Variants in BCAS3 observed in about 807,000 individuals in gnomAD.
BCAS3 encodes BCAS4/BCAS3 fusion.
BCAS3 carries 53 observed loss-of-function variants against 116.1 expected under a neutral mutation model. The ratio of observed to expected loss-of-function variants is 0.46; its 90% CI spans 0.37 to 0.57. The LOEUF (loss-of-function observed/expected upper bound fraction) is 0.57, where lower values mean the gene tolerates loss of function less well. Among genes scored for constraint, BCAS3 ranks in the 20% least tolerant of loss-of-function variants. The pLI is 0.00. For synonymous variants in BCAS3, 391 were observed against 408.2 expected (o/e 0.96, Z 0.51); for missense variants, 917 against 1,165.4 (o/e 0.79, Z 3.10).
chr17:60,721,570 T>G (rs1253771746), intron 5 of BCAS3, among the ~76,000 whole-genome samples: 1 of 152,228 alleles, frequency 6.6e-6, no homozygotes, highest in Non-Finnish European at 1.5e-5. Flanking sequence ...ACTGTGAGTT[T>G]GAAATTTATC....
rs575492645 is a variant in BCAS3, at chr17:61,229,896, G to A, written c.2426-138431G>A. 4.6e-5 allele frequency among the ~76,000 whole-genome samples: 7 copies of A among 152,308 alleles called. No individual in the cohort carries two copies. The highest frequency in any genetic ancestry group is 4.1e-4 in the South Asian group (2 of 4,832). Reference sequence around the variant, plus strand: ...TCCCAGCACTTTGGGAGGCCAAGGCGGGCGGTTCACCTGAGGTCAGGAGTT... The same window carrying A: ...TCCCAGCACTTTGGGAGGCCAAGGCAGGCGGTTCACCTGAGGTCAGGAGTT... On this transcript the variant is annotated intron_variant, in intron 22 of 23. Coordinates refer to ENST00000407086, the MANE Select transcript of BCAS3 (RefSeq NM_017679.5). This position sits in a 1 kb window ranked among gnomAD's most constrained non-coding sequence, Gnocchi z 4.4.
intron 13 of BCAS3, among the ~76,000 whole-genome samples, chr17:60,930,910 A>C: frequency 6.6e-6 from 1 of 152,216 alleles, no homozygotes; most frequent in East Asian, 1.9e-4. Context: ...TAACACTGCA[A>C]AACGAATTTA....
intron 5 of BCAS3, among the ~76,000 whole-genome samples, chr17:60,730,167 G>A (rs1013914184): frequency 3.9e-5 from 6 of 152,194 alleles, no homozygotes; most frequent in African/African-American, 1.4e-4. Flanking sequence ...AACGGCTTTT[G>A]TTTGATCTTC....
chr17:61,275,438 G>C (rs1433255594), intron 22 of BCAS3, among the ~76,000 whole-genome samples: 1 of 152,148 alleles, frequency 6.6e-6, no homozygotes, highest in African/African-American at 2.4e-5. Flanking sequence ...GGGCCTGAAT[G>C]TTGTGCAGGG....
intron 4 of BCAS3, 35 bp downstream of exon 4, chr17:60,689,796 A>C (rs1230493375): frequency 1.4e-6 from 2 of 1,452,136 alleles, no homozygotes; most frequent in Non-Finnish European, 1.9e-6. Context: ...CGTGTGAATT[A>C]ATTGTTTGTT....
rs1011501970 is a variant in BCAS3 at position 61,279,791 on chromosome 17, A to AG, written c.2426-88536_2426-88535insG. ...GCTTGAGTGAAGAAAAAAAAAAAAA[A>AG]CTAGGCAGGTAACCACAAGCCAAGT... is the stretch of plus-strand genomic sequence containing the variant. On this transcript the variant is annotated intron_variant, in intron 22 of 23. Transcript: ENST00000407086. This position sits in a 1 kb window ranked among gnomAD's most constrained non-coding sequence, Gnocchi z 4.4. Among the ~76,000 whole-genome samples the AG allele has an allele frequency of 1.3e-5, 2 of 151,696 alleles. No homozygotes were observed. The highest frequency in any genetic ancestry group is 4.8e-5 in the African/African-American group (2 of 41,284).
chr17:60,704,667 C>G (rs914959455), intron 4 of BCAS3, among the ~76,000 whole-genome samples: 4 of 151,504 alleles, frequency 2.6e-5, no homozygotes, highest in Non-Finnish European at 5.9e-5. Flanking sequence ...ATGGTGATAC[C>G]CCATCTCTAC....
In BCAS3 at chr17:61,392,286, C is replaced by G. The variant is rs2060174262; in HGVS notation, c.*161C>G. 8 of 860,686 alleles carry G rather than the reference C, an allele frequency of 9.3e-6. No individual in the cohort carries two copies. Among genetic ancestry groups the G allele is most frequent in the Non-Finnish European group, 1.4e-5 (8 of 573,220 alleles). The allele number at this position is 860,686 out of a possible 1,614,324, so 53.3% of individuals were successfully genotyped here. A position where few individuals can be genotyped will look rare whatever the true frequency, so the allele number is the denominator to read the frequency against. ...CCATCCTACCTGGATGGAGAAGAGA[C>G]CCTTCTCCAAGCACCTCAGCGCACT... On this transcript the variant is annotated 3_prime_UTR_variant, in exon 24 of 24. Transcript: ENST00000407086. The surrounding 1 kb of genome is among the most constrained non-coding windows in gnomAD (Gnocchi z 6.4).
rs1261898460 is a variant in BCAS3 at position 61,315,476 on chromosome 17, T to C, written c.2426-52851T>C. Reference sequence around the variant, plus strand: ...TGCAGAGCAGTCTCGGAGCGGACGCTAGCTGGCAGCGGTGCCATTGCTTTC... The same window carrying C: ...TGCAGAGCAGTCTCGGAGCGGACGCCAGCTGGCAGCGGTGCCATTGCTTTC... On this transcript the variant is annotated intron_variant, in intron 22 of 23. Coordinates refer to ENST00000407086, the MANE Select transcript of BCAS3 (RefSeq NM_017679.5). This position sits in a 1 kb window ranked among gnomAD's most constrained non-coding sequence, Gnocchi z 5.3. Among the ~76,000 whole-genome samples the C allele has an allele frequency of 6.6e-6, 1 of 152,202 alleles. No individual in the cohort carries two copies. Among genetic ancestry groups the C allele is most frequent in the Non-Finnish European group, 1.5e-5 (1 of 68,028 alleles).
chr17:61,123,096 C>T (rs1245988679), intron 22 of BCAS3, among the ~76,000 whole-genome samples: 4 of 152,182 alleles, frequency 2.6e-5, no homozygotes, highest in Admixed American at 6.5e-5. Flanking sequence ...CGCCCACCAC[C>T]ATGTCCAACT....
At chr17:60,770,179 C>T (rs980586993) in intron 6 of BCAS3, among the ~76,000 whole-genome samples, 3 of 152,016 alleles carry the variant, frequency 2.0e-5, no homozygotes, top group Non-Finnish European at 4.4e-5. Flanking sequence ...AGTCTGTAGT[C>T]AGTTCCGTAT....
chr17:61,074,929 C>G lies in BCAS3; in HGVS notation c.2039C>G (p.Pro680Arg). ...TTTCTTTCTCCTATAGTGGTTCCCC[C>G]TGGAAGTCCTGGGCCCATTACTCGA... ...YQFLLAGLVP[P>R]GSPGPITRHG... is the part of the protein sequence containing the mutation. Residue 680 changes from proline (P) to arginine (R), a missense_variant, in exon 20 of 24, where the codon CCT becomes CGT. Around this residue, in one of 3 missense-constraint regions of BCAS3, gnomAD observed 807 missense variants for 1,026.0 expected, o/e 0.79. Transcript: ENST00000407086. 1 of 1,610,944 alleles carries G rather than the reference C, an allele frequency of 6.2e-7. No individual in the cohort carries two copies.
At chr17:60,753,109 T>C (rs1293185057) in intron 6 of BCAS3, among the ~76,000 whole-genome samples, 1 of 152,224 alleles carries the variant, frequency 6.6e-6, no homozygotes, top group African/African-American at 2.4e-5. Flanking sequence ...CTCCCAGTGC[T>C]GGGATTACAG....
Position 61,082,790 on chromosome 17 carries a change from T to C in BCAS3, c.2328-1677T>C, listed in dbSNP as rs1256799422. 6.6e-6 allele frequency among the ~76,000 whole-genome samples: 1 copy of C among 152,200 alleles called. No individual in the cohort carries two copies. On this transcript the variant is annotated intron_variant, in intron 21 of 23. Coordinates refer to ENST00000407086, the MANE Select transcript of BCAS3 (RefSeq NM_017679.5). This position sits in a 1 kb window ranked among gnomAD's most constrained non-coding sequence, Gnocchi z 5.1. ...ATTACCATGATTGGCTTAGAAAAAT[T>C]AGCTGGGGTGGAATGAATATTGGGT... is the stretch of plus-strand genomic sequence containing the variant.
chr17:61,225,149 A>T (rs1190565495), intron 22 of BCAS3, among the ~76,000 whole-genome samples: 1 of 131,560 alleles, frequency 7.6e-6, no homozygotes, highest in Non-Finnish European at 1.6e-5. Flanking sequence ...ACATACAAGT[A>T]TCGCTCTGCC....
intron 22 of BCAS3, among the ~76,000 whole-genome samples, chr17:61,271,960 C>T (rs185290798): frequency 6.8e-6 from 1 of 147,198 alleles, no homozygotes; most frequent in Non-Finnish European, 1.5e-5. Flanking sequence ...CAGGCACACA[C>T]CACCATGCCC....
intron 7 of BCAS3, among the ~76,000 whole-genome samples, chr17:60,853,977 C>T (rs976245128): frequency 2.0e-5 from 3 of 151,950 alleles, no homozygotes; most frequent in East Asian, 1.9e-4. Context: ...CGTATACACA[C>T]GCCATGTTGG....
rs141543166 is a variant in BCAS3 at position 61,211,951 on chromosome 17, T to C, written c.2425+127387T>C. Reference sequence around the variant, plus strand: ...TTGCTGTGTGGGTGTTTCTACAATGTGGGAAACTTGTTTCATTGAAGAGTC... The same window carrying C: ...TTGCTGTGTGGGTGTTTCTACAATGCGGGAAACTTGTTTCATTGAAGAGTC... On this transcript the variant is annotated intron_variant, in intron 22 of 23. Coordinates refer to ENST00000407086, the MANE Select transcript of BCAS3 (RefSeq NM_017679.5). This position sits in a 1 kb window ranked among gnomAD's most constrained non-coding sequence, Gnocchi z 4.4. Among the ~76,000 whole-genome samples the C allele has an allele frequency of 1.6e-4, 24 of 152,348 alleles. No homozygotes were observed. The East Asian group carries it at 3.1e-3, about 20-fold the overall frequency.
At chr17:60,857,708 T>C in intron 7 of BCAS3, among the ~76,000 whole-genome samples, 1 of 152,168 alleles carries the variant, frequency 6.6e-6, no homozygotes, top group South Asian at 2.1e-4. Context: ...AACAAAAGAA[T>C]ATGTCGGGCG....
Sources: allele counts gnomAD v4.1 joint callset (sites outside exome capture counted in the v4.1 genomes callset), GRCh38; gene constraint gnomAD v4.1.1; regional missense constraint gnomAD v4.1.1; non-coding constraint Gnocchi (gnomAD v3.1); transcripts MANE v1.5; gene names NCBI Gene and HGNC (gene_info 2026-07-23, HGNC 2026-07-21).